Variants in ATG13 observed in about 807,000 individuals in gnomAD.
ATG13 encodes the protein autophagy related 13, also known as autophagy-related protein 13.
A neutral mutation model predicts 65.5 loss-of-function variants in ATG13; 23 were observed. The ratio of observed to expected loss-of-function variants is 0.35; its 90% CI spans 0.25 to 0.50. The LOEUF is 0.50. ATG13 is among the 20% of genes least tolerant of loss of function. The pLI is 0.98. For missense variants in ATG13, 566 were observed against 677.0 expected (o/e 0.84, Z 1.82); for synonymous variants, 252 against 245.2 (o/e 1.03, Z -0.26).
At chr11:46,664,734 T>G in intron 12 of ATG13, 115 bp from the exon 13 acceptor site, 1 of 879,546 alleles carries the variant, frequency 1.1e-6, no homozygotes, top group East Asian at 2.4e-5. Flanking sequence ...ACTGTGGGCA[T>G]GTGGGCGGGA....
intron 2 of ATG13, among the ~76,000 whole-genome samples, chr11:46,631,246 C>T (rs529849755): frequency 9.9e-5 from 15 of 152,180 alleles, no homozygotes; most frequent in African/African-American, 3.6e-4. Context: ...AGTTGGAGTG[C>T]AGTGGTGCAA....
chr11:46,640,560 G>A lies in ATG13; in HGVS notation c.-13-3719G>A, dbSNP rs546760435. ...CTAGAGCCTCTGTTTCCAGCTACTC[G>A]GAGGCCGAGGCAGGAGGATTGCCTG... On this transcript the variant is annotated intron_variant, in intron 2 of 18. Transcript: ENST00000683050. Among the ~76,000 whole-genome samples, 10 of 152,294 alleles carry A rather than the reference G, an allele frequency of 6.6e-5. No individual in the cohort carries two copies. The South Asian group carries it at 8.3e-4, about 13-fold the overall frequency.
In ATG13 at chr11:46,672,763, GTC is replaced by G. The variant is rs67065551; in HGVS notation, c.*432_*433del. The G allele has an allele frequency of 1, 1,352,736 of 1,352,920 alleles. 676,276 individuals carry two copies. The highest frequency in any genetic ancestry group is 1 in the Middle Eastern group (4,196 of 4,196). The allele number at this position is 1,352,920 out of a possible 1,614,324, so 83.8% of individuals were successfully genotyped here. ...CTGGTGGCCAAGAGATTGGTGTGGA[GTC>G]GCAGAAAGAGGAAGGAGACAGTGCC... On this transcript the variant is annotated 3_prime_UTR_variant, in exon 19 of 19. Coordinates refer to ENST00000683050, the MANE Select transcript of ATG13 (RefSeq NM_001346311.2).
At chr11:46,632,054 T>G (rs1371196531) in intron 2 of ATG13, among the ~76,000 whole-genome samples, 1 of 152,202 alleles carries the variant, frequency 6.6e-6, no homozygotes, top group Non-Finnish European at 1.5e-5. Flanking sequence ...CTCAACTGTC[T>G]TATCATGAAG....
chr11:46,667,457 G>A (rs747636573), intron 14 of ATG13, among the ~76,000 whole-genome samples: 4 of 152,222 alleles, frequency 2.6e-5, no homozygotes, highest in Non-Finnish European at 4.4e-5. Flanking sequence ...ATGGCAGGGA[G>A]CCTAGAGAAC....
chr11:46,668,784 T>G lies in ATG13; in HGVS notation c.1330-10T>G. On this transcript the variant is annotated splice_polypyrimidine_tract_variant and intron_variant, in intron 16 of 18. Transcript: ENST00000683050. ...AGCATCAGCCCTAATCCTGCCTTGC[T>G]ATGAAACAGGTGAATCCTCCAGATT... is the stretch of plus-strand genomic sequence containing the variant. 1 of 1,605,608 alleles carries G rather than the reference T, an allele frequency of 6.2e-7. No homozygotes were observed. Among genetic ancestry groups the G allele is most frequent in the East Asian group, 2.2e-5 (1 of 44,856 alleles).
chr11:46,620,243 G>A (rs2047017853), intron 1 of ATG13, among the ~76,000 whole-genome samples: 1 of 150,320 alleles, frequency 6.7e-6, no homozygotes, highest in Non-Finnish European at 1.5e-5. Flanking sequence ...ACAGGCGCCC[G>A]CCACCACGCC....
intron 8 of ATG13, 95 bp downstream of exon 8, chr11:46,656,368 C>T: frequency 1.6e-6 from 2 of 1,288,406 alleles, no homozygotes; most frequent in South Asian, 2.6e-5. Flanking sequence ...TGTAGATTGT[C>T]ATCTTAATAT....
At chr11:46,625,901 C>T (rs527724162) in intron 1 of ATG13, among the ~76,000 whole-genome samples, 1 of 152,204 alleles carries the variant, frequency 6.6e-6, no homozygotes, top group South Asian at 2.1e-4. Flanking sequence ...TCAGAGATAC[C>T]TTGAGGCTTC....
chr11:46,636,275 G>C (rs1256413340), intron 2 of ATG13, among the ~76,000 whole-genome samples: 3 of 151,906 alleles, frequency 2.0e-5, no homozygotes, highest in Non-Finnish European at 2.9e-5. Flanking sequence ...TATCCTGGGA[G>C]GGCCAGGCGC....
chr11:46,646,347 C>T (rs1355655350), intron 5 of ATG13, among the ~76,000 whole-genome samples: 2 of 152,130 alleles, frequency 1.3e-5, no homozygotes, highest in African/African-American at 2.4e-5. Flanking sequence ...CAAGGTTTCG[C>T]CATGTTAAGT....
intron 8 of ATG13, 167 bp from the exon 9 acceptor site, chr11:46,656,928 T>TACAC (rs144572744): frequency 1.2e-4 from 67 of 578,730 alleles, no homozygotes; most frequent in Middle Eastern, 8.7e-4. Flanking sequence ...TACACGCACA[T>TACAC]ACACACACAC....
At chr11:46,641,766 T>TA (rs2056104553) in intron 2 of ATG13, among the ~76,000 whole-genome samples, 1 of 151,308 alleles carries the variant, frequency 6.6e-6, no homozygotes, top group African/African-American at 2.4e-5. Context: ...CCTGATTTTT[T>TA]TTTTTTTTCG....
intron 10 of ATG13, 170 bp from the exon 11 acceptor site, chr11:46,659,220 ACT>A: frequency 7.2e-6 from 4 of 558,468 alleles, no homozygotes; most frequent in Non-Finnish European, 3.2e-6. Context: ...TCTGAGTGCC[ACT>A]CTCTGGAATG....
intron 10 of ATG13, among the ~76,000 whole-genome samples, chr11:46,658,535 A>ATT (rs912148307): frequency 1.1e-4 from 15 of 141,726 alleles, no homozygotes; most frequent in Non-Finnish European, 1.2e-4. Context: ...GTTTCTACCA[A>ATT]TTTTTTTTTT....
intron 10 of ATG13, among the ~76,000 whole-genome samples, chr11:46,658,745 A>G (rs2060535831): frequency 6.6e-6 from 1 of 152,108 alleles, no homozygotes. Context: ...CATGTTGGTC[A>G]GGCTGGTCTC....
chr11:46,645,936 C>T lies in ATG13; in HGVS notation c.217C>T (p.Leu73=), dbSNP rs757578336. The change falls in exon 5 of 19, where the codon CTG becomes TTG. Residue 73 remains leucine, a synonymous_variant. Transcript: ENST00000683050. The part of the protein sequence containing the change: ...HEAKKALAGQ[L]PAVGRSMCVE... ...AGCAAAGAAGGCACTGGCAGGACAG[C>T]TGCCTGCAGTCGGGAGGTCCATGTG... The T allele has an allele frequency of 1.2e-6, 2 of 1,614,206 alleles. No individual in the cohort carries two copies. The highest frequency in any genetic ancestry group is 2.2e-5 in the South Asian group (2 of 91,090).
intron 11 of ATG13, among the ~76,000 whole-genome samples, chr11:46,663,528 A>G (rs1269450575): frequency 1.3e-5 from 2 of 152,076 alleles, no homozygotes; most frequent in Non-Finnish European, 1.5e-5. Flanking sequence ...AGCTGTTTGA[A>G]ACTGTCCTGC....
chr11:46,641,443 T>G (rs2055982604), intron 2 of ATG13, among the ~76,000 whole-genome samples: 2 of 152,194 alleles, frequency 1.3e-5, no homozygotes, highest in Admixed American at 1.3e-4. Flanking sequence ...AATAAACTGC[T>G]GCTACATCCA....
Sources: allele counts gnomAD v4.1 joint callset (sites outside exome capture counted in the v4.1 genomes callset), GRCh38; gene constraint gnomAD v4.1.1; transcripts MANE v1.5; gene names NCBI Gene and HGNC (gene_info 2026-07-23, HGNC 2026-07-21).